The following C2CD3 variants were observed in gnomAD, a reference collection of about 807,000 sequenced individuals.
The protein encoded by C2CD3 is C2 domain containing 3 centriole elongation regulator, also known as C2 domain-containing protein 3.
Under a neutral mutation model 234.0 loss-of-function variants are expected in C2CD3, and 148 were observed. The ratio of observed to expected loss-of-function variants is 0.63; its 90% CI spans 0.55 to 0.72. The LOEUF is 0.72. C2CD3 is among the 30% of genes least tolerant of loss of function. The probability of loss-of-function intolerance (pLI) is 0.00; values close to 1 mark genes in which losing one functional copy is unlikely to be tolerated. For synonymous variants in C2CD3, 1,000 were observed against 1,035.4 expected (o/e 0.97, Z 0.66); for missense variants, 2,577 against 2,811.5 (o/e 0.92, Z 1.89).
intron 29 of C2CD3, among the ~76,000 whole-genome samples, chr11:74,038,360 C>T (rs191815683): frequency 6.6e-6 from 1 of 152,320 alleles, no homozygotes; most frequent in African/African-American, 2.4e-5. Flanking sequence ...CACCATTCTC[C>T]AATAAGAAAT....
chr11:74,114,873 TG>T (rs901528903), intron 9 of C2CD3, among the ~76,000 whole-genome samples: 1 of 152,002 alleles, frequency 6.6e-6, no homozygotes, highest in African/African-American at 2.4e-5. Context: ...GGCTAATTTT[TG>T]TATTTTTTGT....
At position 74,013,383 on chromosome 11, in the gene C2CD3, C is replaced by A. The variant is rs898580833; in HGVS notation, c.*2G>T. On this transcript the variant is annotated 3_prime_UTR_variant, in exon 33 of 33. Coordinates refer to ENST00000334126, the MANE Select transcript of C2CD3 (RefSeq NM_001286577.2). ...TCCTTCCCCCCAGCCCCTCAGGCTGCGTCAGTCTTTCTGGGAGTACTGAGA... is the reference window on the plus strand; with the variant it reads ...TCCTTCCCCCCAGCCCCTCAGGCTGAGTCAGTCTTTCTGGGAGTACTGAGA... 4 of 996,960 alleles carry A rather than the reference C, an allele frequency of 4.0e-6. No individual in the cohort carries two copies. The highest frequency in any genetic ancestry group is 3.8e-5 in the Admixed American group (1 of 26,162). The allele number at this position is 996,960 out of a possible 1,614,324, so 61.8% of individuals were successfully genotyped here.
In C2CD3 at chr11:74,139,926, TAC is replaced by T. The variant is rs768010484; in HGVS notation, c.484-100_484-99del. 347 of 630,866 alleles carry T rather than the reference TAC, an allele frequency of 5.5e-4. 4 individuals carry two copies. The highest frequency in any genetic ancestry group is 7.9e-4 in the Non-Finnish European group (279 of 354,824). The allele number at this position is 630,866 out of a possible 1,614,324, so 39.1% of individuals were successfully genotyped here. A position where few individuals can be genotyped will look rare whatever the true frequency, so the allele number is the denominator to read the frequency against. The stretch of plus-strand genomic sequence containing the variant: ...ATATTAATTAATGTCCCCCATTCCC[TAC>T]AGGATTGTAAGGAATGTCCCCCATT... On this transcript the variant is annotated intron_variant, in intron 3 of 32. Transcript: ENST00000334126.
Position 74,057,569 on chromosome 11 carries a change from CT to C in C2CD3, c.4952-26del, listed in dbSNP as rs774831486. The C allele has an allele frequency of 2.5e-6, 4 of 1,613,616 alleles. No homozygotes were observed. In the African/African-American group the frequency reaches 5.3e-5, roughly 22 times the overall value. On this transcript the variant is annotated intron_variant, in intron 24 of 32. Coordinates refer to ENST00000334126, the MANE Select transcript of C2CD3 (RefSeq NM_001286577.2). ...CCTGAAATAGAATAAAGTGCAGTGA[CT>C]GTACTTTAGGGTACACAAGAAGCCT...
Position 74,114,532 on chromosome 11 carries a change from T to G in C2CD3, c.1582A>C (p.Ser528Arg). The change falls in exon 10 of 33, where the codon AGT becomes CGT. Residue 528 changes from serine to arginine, a missense_variant. By Grantham distance (110) the Ser-to-Arg change is moderately radical (BLOSUM62 -1). Coordinates refer to ENST00000334126, the MANE Select transcript of C2CD3 (RefSeq NM_001286577.2). ...CCCAAAAGGGCCAGTCTATCCACAC[T>G]TAGTGTCATCGTTTGGGCATCTTCT... ...TPEDAQTMTL[S>R]VDRLALLGRT... The G allele has an allele frequency of 6.2e-7, 1 of 1,613,994 alleles. No individual in the cohort carries two copies.
chr11:74,076,851 G>T (rs1307108792), intron 23 of C2CD3, among the ~76,000 whole-genome samples: 1 of 152,064 alleles, frequency 6.6e-6, no homozygotes, highest in Non-Finnish European at 1.5e-5. Context: ...ATCCTTAGAG[G>T]TGTCATGTCC....
Position 74,170,960 on chromosome 11 carries a change from TG to T in C2CD3, c.-169del. On this transcript the variant is annotated 5_prime_UTR_variant, in exon 1 of 33. Coordinates refer to ENST00000334126, the MANE Select transcript of C2CD3 (RefSeq NM_001286577.2). ...TCCTCTAACAGTCTCCGGAAAACGGTGCGAAGAGAAGGCGCCAAGACGCCTT... is the reference window on the plus strand; with the variant it reads ...TCCTCTAACAGTCTCCGGAAAACGGTCGAAGAGAAGGCGCCAAGACGCCTT... 6.8e-7 allele frequency: 1 copy of T among 1,469,648 alleles called. No individual in the cohort carries two copies. The highest frequency in any genetic ancestry group is 9.0e-7 in the Non-Finnish European group (1 of 1,106,210). 91.0% of individuals were successfully genotyped at this position (1,469,648 alleles called of 1,614,324 possible).
chr11:74,014,558 C>T (rs1018134876), intron 32 of C2CD3, among the ~76,000 whole-genome samples: 8 of 152,114 alleles, frequency 5.3e-5, no homozygotes, highest in Non-Finnish European at 1.0e-4. Flanking sequence ...TTGCGCCCAG[C>T]GAGAGTTGCT....
chr11:74,074,634 A>G, intron 23 of C2CD3, 34 bp from the exon 24 acceptor site: 1 of 1,540,276 alleles, frequency 6.5e-7, no homozygotes, highest in Non-Finnish European at 8.8e-7. Context: ...AGGCTAGTCA[A>G]GCAGGAACCA....
chr11:74,046,304 C>T (rs1461565441), intron 28 of C2CD3, among the ~76,000 whole-genome samples: 1 of 152,096 alleles, frequency 6.6e-6, no homozygotes, highest in Non-Finnish European at 1.5e-5. Flanking sequence ...GGTTAGGATG[C>T]ATTTTCTAGG....
intron 24 of C2CD3, 25 bp downstream of exon 24, chr11:74,074,228 T>C (rs774587633): frequency 1.9e-6 from 3 of 1,540,040 alleles, no homozygotes; most frequent in Non-Finnish European, 2.7e-6. Context: ...TTAGACATGC[T>C]CCTGGGTAGG....
intron 5 of C2CD3, among the ~76,000 whole-genome samples, chr11:74,134,847 T>C (rs1347344009): frequency 6.6e-6 from 1 of 152,090 alleles, no homozygotes; most frequent in Admixed American, 6.6e-5. Flanking sequence ...CATCTCAGTC[T>C]CCCAAGTAGC....
At chr11:74,130,136 G>A (rs1320291440) in intron 7 of C2CD3, among the ~76,000 whole-genome samples, 4 of 145,232 alleles carry the variant, frequency 2.8e-5, no homozygotes, top group Non-Finnish European at 4.5e-5. Context: ...AGAGGGAGAG[G>A]GAGAGGGAGA....
At chr11:74,115,091 T>TA (rs528447534) in intron 9 of C2CD3, among the ~76,000 whole-genome samples, 371 of 148,018 alleles carry the variant, frequency 2.5e-3, no homozygotes, top group African/African-American at 7.8e-3. Flanking sequence ...TCAAAAAATG[T>TA]AAAAAAAAAA....
At chr11:74,086,628 C>T (rs925430106) in intron 20 of C2CD3, among the ~76,000 whole-genome samples, 2 of 152,144 alleles carry the variant, frequency 1.3e-5, no homozygotes, top group African/African-American at 4.8e-5. Context: ...TGAATTTTGG[C>T]CCAATTCCCA....
intron 24 of C2CD3, among the ~76,000 whole-genome samples, chr11:74,069,089 C>A (rs1379896613): frequency 6.6e-6 from 1 of 152,214 alleles, no homozygotes; most frequent in Non-Finnish European, 1.5e-5. Flanking sequence ...TAAGCCACTG[C>A]GTCCGGCCAT....
In C2CD3 at chr11:74,170,616, C is replaced by T. The variant is rs1020164153; in HGVS notation, c.55+122G>A. The T allele has an allele frequency of 3.1e-5, 36 of 1,162,092 alleles. No homozygotes were observed. The Middle Eastern group carries it at 1.6e-3, about 50-fold the overall frequency. 72.0% of individuals were successfully genotyped at this position (1,162,092 alleles called of 1,614,324 possible). ...GCCCTTCCTTTTAACCTTCTGGTTC[C>T]CTGGCTACTTCCTTCTTACGTCCCT... On this transcript the variant is annotated intron_variant, in intron 1 of 32. Coordinates refer to ENST00000334126, the MANE Select transcript of C2CD3 (RefSeq NM_001286577.2).
intron 25 of C2CD3, among the ~76,000 whole-genome samples, chr11:74,055,730 T>C (rs151329142): frequency 1.3e-5 from 2 of 152,358 alleles, no homozygotes; most frequent in African/African-American, 2.4e-5. Context: ...CAAGTTGCTA[T>C]GAAGATCAAA....
intron 19 of C2CD3, among the ~76,000 whole-genome samples, chr11:74,091,990 G>A (rs1253607013): frequency 6.6e-6 from 1 of 152,010 alleles, no homozygotes; most frequent in African/African-American, 2.4e-5. Flanking sequence ...AATTTAGAGA[G>A]AAAAGGGATG....
Sources: allele counts gnomAD v4.1 joint callset (sites outside exome capture counted in the v4.1 genomes callset), GRCh38; gene constraint gnomAD v4.1.1; transcripts MANE v1.5; gene names NCBI Gene and HGNC (gene_info 2026-07-23, HGNC 2026-07-21).